The following TCEA1 variants were observed in gnomAD, a reference collection of about 807,000 sequenced individuals.
TCEA1 encodes the protein transcription elongation factor A1.
In TCEA1, 21 loss-of-function variants were observed where a neutral mutation model predicts 43.8. The ratio of observed to expected loss-of-function variants is 0.48; its 90% confidence interval spans 0.34 to 0.69. TCEA1 has a LOEUF of 0.69. Ranked by LOEUF, TCEA1 falls within the 30% of genes least tolerant of loss-of-function variation. The pLI is 0.01. For synonymous variants in TCEA1, 104 were observed against 117.5 expected, an observed-to-expected ratio of 0.88 and a Z score of 0.75; for missense variants, 250 against 365.1, an observed-to-expected ratio of 0.68 and a Z score of 2.57.
chr8:54,006,026 C>T (rs868176123), intron 2 of TCEA1, among the ~76,000 whole-genome samples: 19 of 152,176 alleles, frequency 1.2e-4, no homozygotes, highest in Admixed American at 2.0e-4. Context: ...ATATCTTTCC[C>T]TGTCTATCTG....
chr8:53,978,887 C>G, intron 8 of TCEA1, 138 bp downstream of exon 8: 1 of 1,027,038 alleles, frequency 9.7e-7, no homozygotes, highest in Non-Finnish European at 1.4e-6. Flanking sequence ...TTTCAGGCAT[C>G]CACTCAGGGT....
chr8:54,020,336 G>A (rs898615143), intron 1 of TCEA1, among the ~76,000 whole-genome samples: 4 of 152,120 alleles, frequency 2.6e-5, no homozygotes, highest in Non-Finnish European at 4.4e-5. Flanking sequence ...TTTGAAGTGG[G>A]AAATGAAGGG....
chr8:53,968,183 C>A, intron 9 of TCEA1, 71 bp from the exon 10 acceptor site: 1 of 1,164,356 alleles, frequency 8.6e-7, no homozygotes, highest in Non-Finnish European at 1.2e-6. Flanking sequence ...TTTAATACAG[C>A]ATACACCTGA....
chr8:53,989,030 T>C (rs1300003331), intron 4 of TCEA1, among the ~76,000 whole-genome samples: 1 of 150,772 alleles, frequency 6.6e-6, no homozygotes, highest in Non-Finnish European at 1.5e-5. Flanking sequence ...ACTGCACCAC[T>C]GCACTCCAGC....
At chr8:53,999,716 T>G (rs1804192462) in intron 3 of TCEA1, 1 of 442,762 alleles carries the variant, frequency 2.3e-6, no homozygotes, top group Non-Finnish European at 4.0e-6. Context: ...CTGAAAGAGT[T>G]TATCCAGTTG....
Position 53,988,789 on chromosome 8 carries a change from G to C in TCEA1, c.321-530C>G, listed in dbSNP as rs185881665. On this transcript the variant is annotated intron_variant, in intron 4 of 9. Transcript: ENST00000521604. ...AATGCTTGAAAAACTCTGTTTCACTGGGCATGGTGGCTCACAGCTGTAATC... is the reference window on the plus strand; with the variant it reads ...AATGCTTGAAAAACTCTGTTTCACTCGGCATGGTGGCTCACAGCTGTAATC... 4.1e-3 allele frequency among the ~76,000 whole-genome samples: 621 copies of C among 152,242 alleles called. 4 individuals carry two copies. Among genetic ancestry groups the C allele is most frequent in the African/African-American group, 0.014 (592 of 41,542 alleles).
At chr8:54,006,410 T>A (rs1804460637) in intron 2 of TCEA1, among the ~76,000 whole-genome samples, 1 of 151,432 alleles carries the variant, frequency 6.6e-6, no homozygotes, top group Admixed American at 6.6e-5. Flanking sequence ...ACCCGGGAGG[T>A]GGAGGTTGCA....
chr8:53,993,563 A>C (rs1217713382), intron 4 of TCEA1, 105 bp downstream of exon 4: 2 of 873,858 alleles, frequency 2.3e-6, no homozygotes. Flanking sequence ...ATTTGATTAG[A>C]AAACAAAAAA....
chr8:54,014,363 C>T (rs1804752852), intron 1 of TCEA1, among the ~76,000 whole-genome samples: 1 of 152,100 alleles, frequency 6.6e-6, no homozygotes. Flanking sequence ...AATCCCAGCA[C>T]TCTGGGAGGC....
intron 2 of TCEA1, among the ~76,000 whole-genome samples, chr8:54,003,414 A>AT (rs1314707652): frequency 4.6e-5 from 7 of 152,286 alleles, no homozygotes; most frequent in African/African-American, 1.7e-4. Context: ...AGCCAAAACA[A>AT]TCTTGAAAAA....
intron 1 of TCEA1, among the ~76,000 whole-genome samples, chr8:54,010,901 C>A (rs1427664964): frequency 6.6e-6 from 1 of 150,642 alleles, no homozygotes; most frequent in Non-Finnish European, 1.5e-5. Context: ...ACCTTTGCCT[C>A]CCCTCCTGGG....
chr8:54,010,043 G>GAA, intron 2 of TCEA1: 1 of 183,994 alleles, frequency 5.4e-6, no homozygotes, highest in Non-Finnish European at 1.1e-5. Context: ...AAAAAAAAAA[G>GAA]AAAAAAAAAG....
At chr8:54,008,667 A>AC (rs1250014116) in intron 2 of TCEA1, among the ~76,000 whole-genome samples, 1 of 151,606 alleles carries the variant, frequency 6.6e-6, no homozygotes, top group African/African-American at 2.4e-5. Flanking sequence ...ATCTTAAAAA[A>AC]AAAAAAAAAC....
intron 8 of TCEA1, among the ~76,000 whole-genome samples, chr8:53,978,182 C>T (rs919253596): frequency 1.1e-4 from 17 of 152,038 alleles, no homozygotes; most frequent in Non-Finnish European, 2.1e-4. Context: ...GAGGATCATT[C>T]GAGTCTGGAA....
At chr8:53,993,564 AAAC>A in intron 4 of TCEA1, 101 bp downstream of exon 4, 1 of 885,452 alleles carries the variant, frequency 1.1e-6, no homozygotes, top group Non-Finnish European at 1.7e-6. Flanking sequence ...TTTGATTAGA[AAAC>A]AAAAAAAGGA....
intron 2 of TCEA1, among the ~76,000 whole-genome samples, chr8:54,005,261 A>G (rs1402847196): frequency 6.6e-6 from 1 of 152,234 alleles, no homozygotes; most frequent in Non-Finnish European, 1.5e-5. Flanking sequence ...TGTTAAAATT[A>G]AATGAAATTT....
intron 8 of TCEA1, among the ~76,000 whole-genome samples, chr8:53,976,129 TA>T (rs1192324863): frequency 6.6e-6 from 1 of 152,190 alleles, no homozygotes; most frequent in Non-Finnish European, 1.5e-5. Flanking sequence ...ACCTAAATAC[TA>T]ATAATGTTGC....
intron 2 of TCEA1, among the ~76,000 whole-genome samples, chr8:54,001,665 G>A (rs1415282974): frequency 6.6e-6 from 1 of 152,196 alleles, no homozygotes; most frequent in Admixed American, 6.5e-5. Flanking sequence ...GGGCTTGCAG[G>A]AGAGCAAAGG....
At chr8:54,013,608 G>GA (rs1402090839) in intron 1 of TCEA1, among the ~76,000 whole-genome samples, 1 of 148,436 alleles carries the variant, frequency 6.7e-6, no homozygotes, top group Admixed American at 6.8e-5. Flanking sequence ...TTGAACCCAG[G>GA]AGGCGGAGGT....
Sources: allele counts gnomAD v4.1 joint callset (sites outside exome capture counted in the v4.1 genomes callset), GRCh38; gene constraint gnomAD v4.1.1; transcripts MANE v1.5; gene names NCBI Gene and HGNC (gene_info 2026-07-23, HGNC 2026-07-21).